Variants in NPAS3 observed in about 807,000 individuals in gnomAD.
The protein encoded by NPAS3 is neuronal PAS domain protein 3.
In NPAS3, 14 loss-of-function variants were observed where a neutral mutation model predicts 73.1. The observed-to-expected ratio is 0.19, with a 90% CI of 0.13 to 0.30. NPAS3 has a LOEUF of 0.30. NPAS3 is among the 10% of genes least tolerant of loss of function. The probability of loss-of-function intolerance (pLI) is 1.00; values close to 1 mark genes in which losing one functional copy is unlikely to be tolerated. For missense variants in NPAS3, 1,096 were observed against 1,250.0 expected (o/e 0.88, Z 1.86); for synonymous variants, 620 against 541.5 (o/e 1.14, Z -2.01).
chr14:33,424,818 A>G (rs1353122644), intron 4 of NPAS3, among the ~76,000 whole-genome samples: 1 of 151,844 alleles, frequency 6.6e-6, no homozygotes, highest in East Asian at 1.9e-4. Flanking sequence ...AATCATTTGG[A>G]CATAGAGGCC....
chr14:33,008,923 G>A (rs1400652442), intron 1 of NPAS3, among the ~76,000 whole-genome samples: 1 of 152,146 alleles, frequency 6.6e-6, no homozygotes, highest in Non-Finnish European at 1.5e-5. Context: ...TTTTGATAGG[G>A]AAGCTTATTT....
chr14:33,601,304 T>C (rs1368081231), intron 5 of NPAS3, among the ~76,000 whole-genome samples: 1 of 152,250 alleles, frequency 6.6e-6, no homozygotes, highest in Non-Finnish European at 1.5e-5. Flanking sequence ...TTCTTGGAAA[T>C]GACAATTGGG....
chr14:33,406,687 C>T (rs1357476452), intron 4 of NPAS3, among the ~76,000 whole-genome samples: 3 of 152,096 alleles, frequency 2.0e-5, no homozygotes, highest in African/African-American at 7.2e-5. Context: ...TCAAACACCA[C>T]AGTGCAAAGT....
intron 1 of NPAS3, among the ~76,000 whole-genome samples, chr14:33,020,704 G>T (rs996649795): frequency 1.5e-4 from 23 of 151,862 alleles, no homozygotes; most frequent in Admixed American, 1.4e-3. Context: ...AAAAAATATT[G>T]GTCTGCCTAA....
At chr14:32,946,345 C>T (rs993318255) in intron 1 of NPAS3, among the ~76,000 whole-genome samples, 5 of 113,820 alleles carry the variant, frequency 4.4e-5, no homozygotes, top group South Asian at 3.2e-4. Flanking sequence ...CACACACACA[C>T]GCGCACACAC....
intron 4 of NPAS3, among the ~76,000 whole-genome samples, chr14:33,476,784 C>T (rs1367873786): frequency 6.6e-6 from 1 of 152,158 alleles, no homozygotes; most frequent in Non-Finnish European, 1.5e-5. Flanking sequence ...TTCAGAGCTA[C>T]AGGAACCGCA....
chr14:32,946,344 A>G (rs370254470), intron 1 of NPAS3, among the ~76,000 whole-genome samples: 1,208 of 107,904 alleles, frequency 0.011, 21 homozygotes, highest in African/African-American at 0.036. Flanking sequence ...ACACACACAC[A>G]CGCGCACACA....
intron 2 of NPAS3, among the ~76,000 whole-genome samples, chr14:33,129,118 T>C (rs2043541330): frequency 6.6e-6 from 1 of 152,076 alleles, no homozygotes; most frequent in African/African-American, 2.4e-5. Flanking sequence ...TCCCTGGATG[T>C]GGTGGTGGAA....
At chr14:33,683,815 T>C (rs991802151) in intron 6 of NPAS3, among the ~76,000 whole-genome samples, 4 of 152,248 alleles carry the variant, frequency 2.6e-5, no homozygotes, top group African/African-American at 9.6e-5. Context: ...CCAACAGTTA[T>C]TCCCAAGTAT....
intron 4 of NPAS3, among the ~76,000 whole-genome samples, chr14:33,372,738 C>A (rs907440344): frequency 1.3e-5 from 2 of 152,190 alleles, no homozygotes; most frequent in African/African-American, 4.8e-5. Flanking sequence ...TGAATCAAGG[C>A]ATTATAGTTC....
At chr14:33,637,893 G>A (rs1317710556) in intron 5 of NPAS3, among the ~76,000 whole-genome samples, 2 of 152,184 alleles carry the variant, frequency 1.3e-5, no homozygotes, top group Non-Finnish European at 1.5e-5. Context: ...TGTCTAAGAT[G>A]CAGAATCTAC....
At chr14:33,190,786 TGTGTC>T (rs1245925251) in intron 2 of NPAS3, among the ~76,000 whole-genome samples, 2 of 152,212 alleles carry the variant, frequency 1.3e-5, no homozygotes, top group Non-Finnish European at 2.9e-5. Flanking sequence ...CAACATGATA[TGTGTC>T]GTGCTGTCCT....
upstream of NPAS3, among the ~76,000 whole-genome samples, chr14:32,938,690 G>A (rs1425730126): frequency 6.6e-6 from 1 of 151,280 alleles, no homozygotes; most frequent in Non-Finnish European, 1.5e-5. Flanking sequence ...GAGGGTGTGC[G>A]CCCCACCTGC....
intron 5 of NPAS3, among the ~76,000 whole-genome samples, chr14:33,672,634 G>A (rs890429494): frequency 6.6e-6 from 1 of 151,908 alleles, no homozygotes. Context: ...TCTATTTTGA[G>A]GCACAGAATT....
At chr14:33,314,849 A>G (rs1429976126) in intron 3 of NPAS3, among the ~76,000 whole-genome samples, 1 of 152,096 alleles carries the variant, frequency 6.6e-6, no homozygotes. Flanking sequence ...ATAAAGAGTA[A>G]TATTTCCATG....
intron 5 of NPAS3, among the ~76,000 whole-genome samples, chr14:33,627,620 G>C (rs913589179): frequency 6.6e-6 from 1 of 152,158 alleles, no homozygotes; most frequent in African/African-American, 2.4e-5. Context: ...CATCCTGAAG[G>C]TTTTTCACGC....
chr14:33,504,855 G>C (rs1027139212), intron 4 of NPAS3, among the ~76,000 whole-genome samples: 2 of 152,010 alleles, frequency 1.3e-5, no homozygotes, highest in African/African-American at 4.8e-5. Context: ...GGGATTCTAC[G>C]TGAGGAACAC....
chr14:33,474,741 G>A (rs184596060), intron 4 of NPAS3, among the ~76,000 whole-genome samples: 99 of 152,250 alleles, frequency 6.5e-4, no homozygotes, highest in African/African-American at 2.3e-3. Context: ...CGTGAGAGGT[G>A]AAGAGAAAGG....
chr14:33,801,421 C>CA (rs1439906855), downstream of NPAS3: 4 of 385,480 alleles, frequency 1.0e-5, no homozygotes, highest in East Asian at 2.5e-4. Context: ...ATGCCTCTGC[C>CA]ATAGAATACT....
Sources: allele counts gnomAD v4.1 joint callset (sites outside exome capture counted in the v4.1 genomes callset), GRCh38; gene constraint gnomAD v4.1.1; transcripts MANE v1.5; gene names NCBI Gene and HGNC (gene_info 2026-07-23, HGNC 2026-07-21).